Variants in HMCN1 observed in about 807,000 individuals in gnomAD.
HMCN1 encodes hemicentin-1.
Under a neutral mutation model 625.9 loss-of-function variants are expected in HMCN1, and 321 were observed. That is an observed-to-expected ratio of 0.51 (90% CI 0.47 to 0.56). The LOEUF is 0.56. Ranked by LOEUF, HMCN1 falls within the 20% of genes least tolerant of loss-of-function variation. The pLI is 0.00. For synonymous variants in HMCN1, 2,425 were observed against 2,417.6 expected, an observed-to-expected ratio of 1.00 and a Z score of -0.09; for missense variants, 6,588 against 6,887.3, an observed-to-expected ratio of 0.96 and a Z score of 1.54.
intron 1 of HMCN1, among the ~76,000 whole-genome samples, chr1:185,757,771 A>C (rs77122537): frequency 6.6e-6 from 1 of 152,168 alleles, no homozygotes; most frequent in African/African-American, 2.4e-5. Flanking sequence ...GGCACAATGC[A>C]TGAATGAATA....
chr1:186,015,075 T>C (rs1654270195), intron 30 of HMCN1, 84 bp from the exon 31 acceptor site: 1 of 1,190,416 alleles, frequency 8.4e-7, no homozygotes, highest in East Asian at 2.3e-5. Context: ...TTTAAATGCA[T>C]TGTTTAAACA....
At chr1:185,820,302 C>T (rs375703134) in intron 1 of HMCN1, among the ~76,000 whole-genome samples, 12 of 152,188 alleles carry the variant, frequency 7.9e-5, no homozygotes, top group African/African-American at 2.6e-4. Context: ...ATACCAACTC[C>T]ATATTTGTTA....
At chr1:185,982,905 T>A (rs1440781728) in intron 18 of HMCN1, among the ~76,000 whole-genome samples, 1 of 152,136 alleles carries the variant, frequency 6.6e-6, no homozygotes, top group Non-Finnish European at 1.5e-5. Context: ...AATGGAGAAA[T>A]AGTGTTGTAA....
Position 186,125,645 on chromosome 1 carries a change from A to T in HMCN1, c.12541A>T (p.Asn4181Tyr), listed in dbSNP as rs777592856. Residue 4181 changes from asparagine to tyrosine, a missense_variant, in exon 82 of 107, where the codon AAT becomes TAT. Asn to Tyr is a moderately radical substitution (Grantham distance 143). Around this residue, in one of 3 missense-constraint regions of HMCN1, gnomAD observed 1,954 missense variants for 2,013.1 expected, o/e 0.97. Transcript: ENST00000271588. ...AAGTACAGAAGGACACTACACGGTC[A>T]ATGAGAATTCACAAGCCATTCTTCC... ...IRSTEGHYTV[N>Y]ENSQAILPCV... 1 of 1,613,296 alleles carries T rather than the reference A, an allele frequency of 6.2e-7. No homozygotes were observed. Among genetic ancestry groups the T allele is most frequent in the Non-Finnish European group, 8.5e-7 (1 of 1,179,462 alleles).
intron 1 of HMCN1, among the ~76,000 whole-genome samples, chr1:185,844,881 G>T (rs1289798992): frequency 4.6e-5 from 7 of 152,314 alleles, no homozygotes; most frequent in African/African-American, 1.7e-4. Context: ...CTATAGACAT[G>T]CTGGATCCAA....
At chr1:186,164,287 T>C (rs1651728601) in intron 97 of HMCN1, among the ~76,000 whole-genome samples, 1 of 145,330 alleles carries the variant, frequency 6.9e-6, no homozygotes, top group South Asian at 2.2e-4. Flanking sequence ...TCCCCCAGGC[T>C]GGAGTGCAGT....
At chr1:185,804,547 A>G (rs1013963510) in intron 1 of HMCN1, among the ~76,000 whole-genome samples, 1 of 152,084 alleles carries the variant, frequency 6.6e-6, no homozygotes, top group African/African-American at 2.4e-5. Flanking sequence ...CAAAGTCTTT[A>G]TGAATTTTTT....
At chr1:186,030,209 G>A (rs923799586) in intron 36 of HMCN1, among the ~76,000 whole-genome samples, 1 of 152,078 alleles carries the variant, frequency 6.6e-6, no homozygotes, top group Non-Finnish European at 1.5e-5. Context: ...TGTGCCACTT[G>A]CGTTATAGGT....
chr1:185,740,579 G>A (rs1653916420), intron 1 of HMCN1, among the ~76,000 whole-genome samples: 1 of 151,966 alleles, frequency 6.6e-6, no homozygotes, highest in African/African-American at 2.4e-5. Context: ...CTAGTAGGAA[G>A]TGTTTAGGTA....
intron 4 of HMCN1, among the ~76,000 whole-genome samples, chr1:185,891,935 C>G (rs1450289562): frequency 6.7e-6 from 1 of 149,480 alleles, no homozygotes; most frequent in Non-Finnish European, 1.5e-5. Flanking sequence ...CTCCCCATCA[C>G]TTTTAGGTAC....
chr1:186,119,258 G>A lies in HMCN1; in HGVS notation c.11916G>A (p.Ala3972=), dbSNP rs374616091. The change falls in exon 78 of 107, where the codon GCG becomes GCA. Residue 3972 remains alanine (A), a synonymous_variant. Coordinates refer to ENST00000271588, the MANE Select transcript of HMCN1 (RefSeq NM_031935.3). ...GATACACTTGTGTCGCTAGGAATGC[G>A]GCTGGCTCTGCACATCGACACGTGA... The part of the protein sequence containing the change: ...AGRYTCVARN[A]AGSAHRHVTL... The A allele has an allele frequency of 6.5e-5, 105 of 1,613,838 alleles. No homozygotes were observed. The Middle Eastern group carries it at 6.6e-4, about 10-fold the overall frequency.
chr1:185,750,142 T>C (rs1401337634), intron 1 of HMCN1, among the ~76,000 whole-genome samples: 4 of 152,136 alleles, frequency 2.6e-5, no homozygotes, highest in African/African-American at 9.7e-5. Context: ...AAATATAAAC[T>C]CCATGAGGGC....
In HMCN1 at chr1:185,903,706, C is replaced by T. The variant is rs78257789; in HGVS notation, c.622-5631C>T. ...TTGGTGGATTAGCTAAATCTGCCAACCATGACACTGGATTTGTCAGCCTCT... is the reference window on the plus strand; with the variant it reads ...TTGGTGGATTAGCTAAATCTGCCAATCATGACACTGGATTTGTCAGCCTCT... On this transcript the variant is annotated intron_variant, in intron 4 of 106. Transcript: ENST00000271588. Among the ~76,000 whole-genome samples the T allele has an allele frequency of 9.7e-4, 147 of 151,870 alleles. 4 individuals are homozygous for T. In the South Asian group the frequency reaches 0.03, roughly 30 times the overall value.
chr1:186,064,312 G>T (rs553179078), intron 48 of HMCN1, among the ~76,000 whole-genome samples: 2 of 151,644 alleles, frequency 1.3e-5, no homozygotes, highest in African/African-American at 4.8e-5. Flanking sequence ...GATCTCATTT[G>T]AAAATAAAAA....
intron 1 of HMCN1, among the ~76,000 whole-genome samples, chr1:185,749,267 C>T (rs1343576883): frequency 6.6e-6 from 1 of 152,168 alleles, no homozygotes; most frequent in Non-Finnish European, 1.5e-5. Context: ...TTTAATTGTG[C>T]TTGGAAAAGT....
At chr1:186,167,016 T>G (rs1204711295) in intron 100 of HMCN1, 74 bp downstream of exon 100, 3 of 1,585,654 alleles carry the variant, frequency 1.9e-6, no homozygotes, top group Non-Finnish European at 2.6e-6. Context: ...CCTCAAAAGT[T>G]AACTGTCTCA....
chr1:186,122,363 C>T (rs1369299040), intron 80 of HMCN1, among the ~76,000 whole-genome samples: 1 of 152,086 alleles, frequency 6.6e-6, no homozygotes, highest in African/African-American at 2.4e-5. Context: ...GGTGATCAGC[C>T]TATTGTAAAC....
chr1:185,771,472 C>T (rs1298126003), intron 1 of HMCN1, among the ~76,000 whole-genome samples: 2 of 152,144 alleles, frequency 1.3e-5, no homozygotes, highest in African/African-American at 2.4e-5. Flanking sequence ...ATTATCATCC[C>T]TTTTAATGTT....
intron 4 of HMCN1, among the ~76,000 whole-genome samples, chr1:185,896,771 C>T (rs1386241297): frequency 6.6e-6 from 1 of 151,990 alleles, no homozygotes; most frequent in East Asian, 1.9e-4. Flanking sequence ...TTTTGCAAAC[C>T]TCTGTTGTGA....
Sources: gnomAD v4.1 joint callset for allele counts (sites outside exome capture counted in the v4.1 genomes callset) on GRCh38, gnomAD v4.1.1 for gene constraint, gnomAD v4.1.1 regional missense constraint, MANE v1.5 for transcripts, NCBI Gene and HGNC (gene_info 2026-07-23, HGNC 2026-07-21) for gene names.